The following TLN2 variants were observed in gnomAD, a reference collection of about 807,000 sequenced individuals.
The protein encoded by TLN2 is talin-2.
A neutral mutation model predicts 294.7 loss-of-function variants in TLN2; 118 were observed. The observed-to-expected ratio is 0.40, with a 90% confidence interval of 0.34 to 0.47. TLN2 has a LOEUF of 0.47. Ranked by LOEUF, TLN2 falls within the 20% of genes least tolerant of loss-of-function variation. TLN2 has a pLI of 0.84. For synonymous variants in TLN2, 1,431 were observed against 1,304.5 expected, an observed-to-expected ratio of 1.10 and a Z score of -2.09; for missense variants, 3,083 against 3,282.2, an observed-to-expected ratio of 0.94 and a Z score of 1.48.
chr15:62,751,864 C>T (rs1380392225), intron 34 of TLN2, among the ~76,000 whole-genome samples: 1 of 152,210 alleles, frequency 6.6e-6, no homozygotes, highest in Non-Finnish European at 1.5e-5. Flanking sequence ...ATTTAGGAAA[C>T]ATACTTAACA....
chr15:62,665,743 C>T (rs2054550934), intron 9 of TLN2, among the ~76,000 whole-genome samples: 1 of 152,154 alleles, frequency 6.6e-6, no homozygotes, highest in Admixed American at 6.5e-5. Context: ...GCTTTTGACC[C>T]AGTAGGAGGT....
chr15:62,551,070 T>TA, intron 1 of TLN2, among the ~76,000 whole-genome samples: 1 of 152,118 alleles, frequency 6.6e-6, no homozygotes, highest in South Asian at 2.1e-4. Flanking sequence ...TCGATTCTCA[T>TA]AAGGAGTGCA....
chr15:62,418,917 T>G (rs912480330), intron 1 of TLN2, among the ~76,000 whole-genome samples: 1 of 152,214 alleles, frequency 6.6e-6, no homozygotes, highest in Non-Finnish European at 1.5e-5. Flanking sequence ...TCAGGCCATC[T>G]GGATGTATAT....
intron 2 of TLN2, among the ~76,000 whole-genome samples, chr15:62,590,037 T>C (rs991859123): frequency 2.0e-5 from 3 of 149,100 alleles, no homozygotes; most frequent in African/African-American, 7.3e-5. Context: ...TTTAATCATA[T>C]TGGACCTTAT....
chr15:62,447,494 C>CTT (rs555848983), intron 1 of TLN2, among the ~76,000 whole-genome samples: 11 of 131,636 alleles, frequency 8.4e-5, no homozygotes, highest in African/African-American at 1.1e-4. Flanking sequence ...GTTAACTTTA[C>CTT]TTTTTTTTTT....
chr15:62,661,262 A>G (rs1388841652), intron 9 of TLN2, among the ~76,000 whole-genome samples: 1 of 152,138 alleles, frequency 6.6e-6, no homozygotes, highest in African/African-American at 2.4e-5. Flanking sequence ...GGTGACAGAT[A>G]TAGAATGTTA....
At position 62,555,383 on chromosome 15, in the gene TLN2, C is replaced by T. The variant is rs372247676; in HGVS notation, c.-237-34304C>T. Among the ~76,000 whole-genome samples the T allele has an allele frequency of 2.6e-5, 4 of 152,052 alleles. No individual in the cohort carries two copies. In the East Asian group the frequency reaches 5.8e-4, roughly 22 times the overall value. ...TTTTTATTTATAGCATGAATGAATT[C>T]TTGCTTGCTCTGAAAGATTTAAACA... On this transcript the variant is annotated intron_variant, in intron 1 of 58. Transcript: ENST00000636159.
chr15:62,723,558 T>TG (rs1458650362), intron 26 of TLN2, among the ~76,000 whole-genome samples: 2 of 150,762 alleles, frequency 1.3e-5, no homozygotes, highest in African/African-American at 2.4e-5. Flanking sequence ...TTTTTTTTTT[T>TG]TGTGAAACAG....
intron 14 of TLN2, among the ~76,000 whole-genome samples, chr15:62,695,502 C>T (rs2141077360): frequency 6.6e-6 from 1 of 152,290 alleles, no homozygotes; most frequent in African/African-American, 2.4e-5. Context: ...TTGAGATACA[C>T]ATATGTGGTA....
intron 1 of TLN2, among the ~76,000 whole-genome samples, chr15:62,431,679 G>A (rs1289385597): frequency 6.6e-6 from 1 of 152,196 alleles, no homozygotes; most frequent in Non-Finnish European, 1.5e-5. Flanking sequence ...ACATGGACTT[G>A]TGCAGCTTTC....
chr15:62,709,610 C>T (rs1595742934), intron 21 of TLN2, among the ~76,000 whole-genome samples: 1 of 152,328 alleles, frequency 6.6e-6, no homozygotes, highest in South Asian at 2.1e-4. Context: ...ATACGCAATA[C>T]ACCTTTTTAT....
In TLN2 at chr15:62,392,950, G is replaced by C. The variant is rs1398400334; in HGVS notation, c.-238+2265G>C. On this transcript the variant is annotated intron_variant, in intron 1 of 58. Coordinates refer to ENST00000636159, the MANE Select transcript of TLN2 (RefSeq NM_015059.3). ...CTATGCAAAATCAGAGGATGGCGGT[G>C]GGTGTGACAAGTGGTCTTGAGAGAA... 3.3e-5 allele frequency among the ~76,000 whole-genome samples: 5 copies of C among 152,032 alleles called. No homozygotes were observed. The East Asian group carries it at 9.7e-4, about 29-fold the overall frequency.
At chr15:62,623,734 C>A (rs1343041554) in intron 3 of TLN2, among the ~76,000 whole-genome samples, 1 of 152,172 alleles carries the variant, frequency 6.6e-6, no homozygotes, top group African/African-American at 2.4e-5. Flanking sequence ...TCCACTTGAT[C>A]CAGAACCTAT....
In TLN2 at chr15:62,840,700, A is replaced by G. The variant is rs2070576154; in HGVS notation, c.*90A>G. 5 of 1,512,746 alleles carry G rather than the reference A, an allele frequency of 3.3e-6. No individual in the cohort carries two copies. Among genetic ancestry groups the G allele is most frequent in the Non-Finnish European group, 4.4e-6 (5 of 1,129,654 alleles). 93.7% of individuals were successfully genotyped at this position (1,512,746 alleles called of 1,614,324 possible). On this transcript the variant is annotated 3_prime_UTR_variant, in exon 59 of 59. Coordinates refer to ENST00000636159, the MANE Select transcript of TLN2 (RefSeq NM_015059.3). Reference sequence around the variant, plus strand: ...TGAGAGGCTGGGCACTTAGCTGGAAACCGCCCACCTCCCTCCCGGGTGAGC... The same window carrying G: ...TGAGAGGCTGGGCACTTAGCTGGAAGCCGCCCACCTCCCTCCCGGGTGAGC...
chr15:62,763,937 T>C (rs993567050), intron 40 of TLN2, among the ~76,000 whole-genome samples: 1 of 152,168 alleles, frequency 6.6e-6, no homozygotes, highest in African/African-American at 2.4e-5. Context: ...AGTTCAAAAG[T>C]AGCTGAAATT....
chr15:62,693,055 C>A, intron 13 of TLN2, 114 bp downstream of exon 13: 2 of 834,048 alleles, frequency 2.4e-6, no homozygotes, highest in South Asian at 1.7e-5. Flanking sequence ...TGAGGCCAGG[C>A]ATGGTGGCTC....
intron 11 of TLN2, among the ~76,000 whole-genome samples, chr15:62,682,188 G>A (rs1414432086): frequency 6.6e-6 from 1 of 152,206 alleles, no homozygotes; most frequent in Non-Finnish European, 1.5e-5. Context: ...TATGAAAGCA[G>A]CCATAGGCAA....
chr15:62,803,004 T>C (rs1477229421), intron 50 of TLN2, among the ~76,000 whole-genome samples: 1 of 152,262 alleles, frequency 6.6e-6, no homozygotes, highest in Admixed American at 6.5e-5. Flanking sequence ...TGCAACTGTT[T>C]TCTCCCGTTC....
At chr15:62,631,402 T>C (rs1008320791) in intron 3 of TLN2, among the ~76,000 whole-genome samples, 7 of 152,166 alleles carry the variant, frequency 4.6e-5, no homozygotes, top group African/African-American at 1.7e-4. Context: ...ACTCATCCAT[T>C]ATTTTTTCAG....
Sources: gnomAD v4.1 joint callset for allele counts (sites outside exome capture counted in the v4.1 genomes callset) on GRCh38, gnomAD v4.1.1 for gene constraint, MANE v1.5 for transcripts, NCBI Gene and HGNC (gene_info 2026-07-23, HGNC 2026-07-21) for gene names.